STXBP5: variants seen among roughly 807,000 people sequenced by gnomAD.
STXBP5 encodes the protein syntaxin-binding protein 5.
STXBP5 carries 50 observed loss-of-function variants against 152.4 expected under a neutral mutation model. The ratio of observed to expected loss-of-function variants is 0.33; its 90% confidence interval spans 0.26 to 0.42. The LOEUF (loss-of-function observed/expected upper bound fraction) is 0.42, where lower values mean the gene tolerates loss of function less well. STXBP5 is among the 10% of genes least tolerant of loss of function. STXBP5 has a pLI of 1.00. For missense variants in STXBP5, 1,167 were observed against 1,388.6 expected (o/e 0.84, Z 2.54); for synonymous variants, 492 against 494.7 (o/e 0.99, Z 0.07).
chr6:147,210,136 G>A (rs542313214), intron 2 of STXBP5, among the ~76,000 whole-genome samples: 5 of 152,248 alleles, frequency 3.3e-5, no homozygotes, highest in Non-Finnish European at 5.9e-5. Flanking sequence ...ATCCAAAACA[G>A]GGGTGGCAGA....
chr6:147,359,481 T>G (rs1450155201), intron 23 of STXBP5, among the ~76,000 whole-genome samples, 158 bp downstream of exon 23: 2 of 152,106 alleles, frequency 1.3e-5, no homozygotes, highest in East Asian at 1.9e-4. Flanking sequence ...TTATTATACT[T>G]TAAGTTTTAG....
At chr6:147,306,074 T>C (rs369181474) in intron 9 of STXBP5, among the ~76,000 whole-genome samples, 18 of 152,324 alleles carry the variant, frequency 1.2e-4, no homozygotes, top group African/African-American at 4.3e-4. Context: ...AGCAATTAAA[T>C]TCCACCCTGC....
intron 9 of STXBP5, among the ~76,000 whole-genome samples, chr6:147,299,597 A>G (rs918669883): frequency 6.6e-6 from 1 of 152,088 alleles, no homozygotes; most frequent in Admixed American, 6.6e-5. Flanking sequence ...TGAGGCCAGC[A>G]TCACCCTGAT....
intron 8 of STXBP5, among the ~76,000 whole-genome samples, chr6:147,280,496 T>G (rs1780650946): frequency 6.6e-6 from 1 of 152,178 alleles, no homozygotes; most frequent in Non-Finnish European, 1.5e-5. Flanking sequence ...AATTTTGTAT[T>G]TATAATTGTT....
chr6:147,340,449 T>C (rs562954937), intron 21 of STXBP5, among the ~76,000 whole-genome samples: 2 of 152,184 alleles, frequency 1.3e-5, no homozygotes, highest in South Asian at 4.1e-4. Flanking sequence ...TGTGGGGTTT[T>C]AGTGACTCTT....
At chr6:147,218,791 T>C (rs532426933) in intron 2 of STXBP5, among the ~76,000 whole-genome samples, 67 of 152,354 alleles carry the variant, frequency 4.4e-4, no homozygotes, top group African/African-American at 1.6e-3. Context: ...GTTTTGTATG[T>C]TAACCTTGCA....
chr6:147,349,101 A>G (rs969914871), intron 21 of STXBP5, among the ~76,000 whole-genome samples: 2 of 152,194 alleles, frequency 1.3e-5, no homozygotes, highest in Non-Finnish European at 2.9e-5. Context: ...ATATAATCTG[A>G]TATAGCCCTC....
rs1361014583 is a variant in STXBP5 at position 147,386,779 on chromosome 6, A to G, written c.*2024A>G. On this transcript the variant is annotated 3_prime_UTR_variant, in exon 28 of 28. Coordinates refer to ENST00000321680, the MANE Select transcript of STXBP5 (RefSeq NM_001127715.4). ...AATGTCATCAATAAAATCAACAGTT[A>G]TGGATTTGAAGAAGTTGGGAAAGCA... 6.6e-6 allele frequency: 1 copy of G among 151,756 alleles called. No individual in the cohort carries two copies. Among genetic ancestry groups the G allele is most frequent in the Non-Finnish European group, 1.5e-5 (1 of 67,762 alleles). 9.4% of individuals were successfully genotyped at this position (151,756 alleles called of 1,614,324 possible). A position where few individuals can be genotyped will look rare whatever the true frequency, so the allele number is the denominator to read the frequency against.
Position 147,204,796 on chromosome 6 carries a change from T to A in STXBP5, c.150+114T>A. ...GGGAAGAGAACGCCAATAATAATAA[T>A]AATAACTCTAATAAAAGGCTCGCTC... On this transcript the variant is annotated intron_variant, in intron 1 of 27. Coordinates refer to ENST00000321680, the MANE Select transcript of STXBP5 (RefSeq NM_001127715.4). This position sits in a 1 kb window ranked among gnomAD's most constrained non-coding sequence, Gnocchi z 4.3. 2 of 1,162,512 alleles carry A rather than the reference T, an allele frequency of 1.7e-6. No homozygotes were observed. The highest frequency in any genetic ancestry group is 2.3e-6 in the Non-Finnish European group (2 of 857,510). The allele number at this position is 1,162,512 out of a possible 1,614,324, so 72.0% of individuals were successfully genotyped here. A position where few individuals can be genotyped will look rare whatever the true frequency, so the allele number is the denominator to read the frequency against.
intron 9 of STXBP5, among the ~76,000 whole-genome samples, chr6:147,308,094 C>T (rs1429794430): frequency 6.6e-6 from 1 of 152,166 alleles, no homozygotes; most frequent in Non-Finnish European, 1.5e-5. Context: ...CTCAAGTCTT[C>T]CATTCTAAAA....
At chr6:147,325,361 A>G (rs1372927689) in intron 17 of STXBP5, among the ~76,000 whole-genome samples, 1 of 152,176 alleles carries the variant, frequency 6.6e-6, no homozygotes, top group Non-Finnish European at 1.5e-5. Context: ...ATCCTCTCCT[A>G]AATATACTCC....
chr6:147,225,345 A>G (rs1357195806), intron 2 of STXBP5, among the ~76,000 whole-genome samples: 1 of 152,142 alleles, frequency 6.6e-6, no homozygotes, highest in Non-Finnish European at 1.5e-5. Context: ...AAACTTTGCA[A>G]GATATAAATG....
chr6:147,339,083 A>G (rs1582966176), intron 19 of STXBP5, 96 bp from the exon 20 acceptor site: 3 of 1,067,640 alleles, frequency 2.8e-6, no homozygotes, highest in Admixed American at 3.0e-5. Flanking sequence ...TTGTTTTGAA[A>G]GTTACCAGAT....
At chr6:147,360,189 A>C (rs1022032701) in intron 23 of STXBP5, among the ~76,000 whole-genome samples, 1 of 152,124 alleles carries the variant, frequency 6.6e-6, no homozygotes. Context: ...ACACTTTTAC[A>C]CTGTTGGTGG....
intron 23 of STXBP5, among the ~76,000 whole-genome samples, chr6:147,359,740 A>T (rs1302444678): frequency 1.3e-5 from 2 of 151,664 alleles, no homozygotes; most frequent in Non-Finnish European, 2.9e-5. Flanking sequence ...GATAGTTTAC[A>T]GAGAATGATG....
chr6:147,252,209 A>C (rs1024096681), intron 4 of STXBP5, among the ~76,000 whole-genome samples: 1 of 152,094 alleles, frequency 6.6e-6, no homozygotes, highest in African/African-American at 2.4e-5. Flanking sequence ...CAAGGGAACA[A>C]AACTGGACAG....
rs532956809 is a variant in STXBP5 at position 147,243,741 on chromosome 6, G to C, written c.431+4471G>C. The stretch of plus-strand genomic sequence containing the variant: ...TACATTTAGATCTGTGATCCATGTT[G>C]ATTTAAATTTTTTGAAATATATATA... On this transcript the variant is annotated intron_variant, in intron 4 of 27. Transcript: ENST00000321680. Among the ~76,000 whole-genome samples the C allele has an allele frequency of 5.5e-4, 84 of 151,990 alleles. No homozygotes were observed. In the South Asian group the frequency reaches 0.017, roughly 30 times the overall value.
intron 19 of STXBP5, among the ~76,000 whole-genome samples, chr6:147,336,466 T>C (rs1013823615): frequency 1.3e-5 from 2 of 151,718 alleles, no homozygotes; most frequent in African/African-American, 4.8e-5. Flanking sequence ...ATTACCCCTT[T>C]GGCCAACACA....
chr6:147,377,008 T>C lies in STXBP5; in HGVS notation c.3193+3166T>C, dbSNP rs551838248. On this transcript the variant is annotated intron_variant, in intron 26 of 27. Coordinates refer to ENST00000321680, the MANE Select transcript of STXBP5 (RefSeq NM_001127715.4). ...ATTTGAATGTACCTACTATTTTGAC[T>C]TCAAAATATGTGAAAACAAATATTG... 1.1e-3 allele frequency among the ~76,000 whole-genome samples: 165 copies of C among 152,272 alleles called. 1 individual carries two copies. The highest frequency in any genetic ancestry group is 3.8e-3 in the African/African-American group (157 of 41,572).
Sources: allele counts gnomAD v4.1 joint callset (sites outside exome capture counted in the v4.1 genomes callset), GRCh38; gene constraint gnomAD v4.1.1; non-coding constraint Gnocchi (gnomAD v3.1); transcripts MANE v1.5; gene names NCBI Gene and HGNC (gene_info 2026-07-23, HGNC 2026-07-21).